RNF38: variants seen among roughly 807,000 people sequenced by gnomAD.
RNF38 encodes E3 ubiquitin-protein ligase RNF38.
Under a neutral mutation model 67.2 loss-of-function variants are expected in RNF38, and 15 were observed. That is an observed-to-expected ratio of 0.22 (90% CI 0.15 to 0.34). The LOEUF is 0.34. Among genes scored for constraint, RNF38 ranks in the 10% least tolerant of loss-of-function variants. The pLI, the probability that RNF38 is intolerant of heterozygous loss-of-function variation, is 1.00. For synonymous variants in RNF38, 220 were observed against 218.8 expected (o/e 1.01, Z -0.05); for missense variants, 524 against 639.9 (o/e 0.82, Z 1.95).
chr9:36,418,798 C>A (rs982264941), intron 2 of RNF38, among the ~76,000 whole-genome samples: 1 of 150,474 alleles, frequency 6.6e-6, no homozygotes, highest in Non-Finnish European at 1.5e-5. Flanking sequence ...AAAACAACAA[C>A]AACAACAACA....
upstream of RNF38, among the ~76,000 whole-genome samples, chr9:36,403,999 CATT>C (rs1838121504): frequency 6.6e-6 from 1 of 152,156 alleles, no homozygotes; most frequent in Non-Finnish European, 1.5e-5. Flanking sequence ...TAGTTGCTGT[CATT>C]ATCCTGTTTA....
chr9:36,346,154 C>T (rs575475574), intron 9 of RNF38, among the ~76,000 whole-genome samples: 9 of 152,236 alleles, frequency 5.9e-5, no homozygotes, highest in Admixed American at 2.6e-4. Context: ...TATGAAGTAT[C>T]CACCATCAAC....
chr9:36,349,787 T>A (rs1833563605), intron 9 of RNF38, among the ~76,000 whole-genome samples: 1 of 152,198 alleles, frequency 6.6e-6, no homozygotes, highest in African/African-American at 2.4e-5. Context: ...TATTTTGAGT[T>A]AACTTTCACG....
intron 1 of RNF38, 99 bp from the exon 2 acceptor site, chr9:36,390,715 G>T: frequency 8.4e-7 from 1 of 1,192,056 alleles, no homozygotes; most frequent in Non-Finnish European, 1.2e-6. Flanking sequence ...GGTATTTGAT[G>T]ATTCTGCTAG....
chr9:36,475,579 G>A (rs904727593), intron 1 of RNF38, among the ~76,000 whole-genome samples: 5 of 151,440 alleles, frequency 3.3e-5, no homozygotes, highest in African/African-American at 7.3e-5. Flanking sequence ...GGCTGGTCTC[G>A]AACTCCTGAC....
intron 2 of RNF38, among the ~76,000 whole-genome samples, chr9:36,409,299 G>GAGAAAGAAAAAGAAAGAA (rs1256187811): frequency 2.0e-5 from 3 of 149,294 alleles, no homozygotes; most frequent in Admixed American, 6.7e-5. Context: ...AAGAAAGAGA[G>GAGAAAGAAAAAGAAAGAA]AGAAAGAAAA....
At chr9:36,389,189 A>T (rs954199472) in intron 2 of RNF38, among the ~76,000 whole-genome samples, 8 of 152,120 alleles carry the variant, frequency 5.3e-5, no homozygotes, top group African/African-American at 1.9e-4. Flanking sequence ...ACAACAATAC[A>T]TTGCATCTTT....
intron 3 of RNF38, among the ~76,000 whole-genome samples, chr9:36,371,437 T>C (rs909330493): frequency 8.0e-5 from 12 of 150,116 alleles, no homozygotes; most frequent in Non-Finnish European, 1.5e-4. Context: ...ACCTTAGGAC[T>C]AAAAGCTTTT....
chr9:36,406,691 C>T (rs1838192737), intron 2 of RNF38, among the ~76,000 whole-genome samples: 1 of 152,208 alleles, frequency 6.6e-6, no homozygotes, highest in Non-Finnish European at 1.5e-5. Flanking sequence ...CTACGTTTCT[C>T]GCTTGGTAAA....
At chr9:36,439,580 G>A (rs770796876) in intron 1 of RNF38, among the ~76,000 whole-genome samples, 11 of 151,990 alleles carry the variant, frequency 7.2e-5, no homozygotes, top group Non-Finnish European at 1.6e-4. Context: ...TGAGGTGGGA[G>A]GATCACTAGA....
chr9:36,483,127 G>C (rs1233591293), intron 1 of RNF38, among the ~76,000 whole-genome samples: 2 of 152,044 alleles, frequency 1.3e-5, no homozygotes, highest in Non-Finnish European at 2.9e-5. Context: ...CTGTTCACGC[G>C]TGTAATCCCA....
chr9:36,369,037 T>C (rs1179303567), intron 4 of RNF38, among the ~76,000 whole-genome samples: 1 of 152,166 alleles, frequency 6.6e-6, no homozygotes, highest in Non-Finnish European at 1.5e-5. Context: ...TGTAGGCTTG[T>C]ACCTGTCATC....
Position 36,465,631 on chromosome 9 carries a change from C to A in RNF38, n.241+21677G>T, listed in dbSNP as rs569290701. Among the ~76,000 whole-genome samples, 5 of 152,234 alleles carry A rather than the reference C, an allele frequency of 3.3e-5. No homozygotes were observed. The South Asian group carries it at 1.0e-3, about 32-fold the overall frequency. ...AAGTGCTGAGATTACAGGCATCAGCCACTATACCCGGCCCATAGCAGCATT... is the reference window on the plus strand; with the variant it reads ...AAGTGCTGAGATTACAGGCATCAGCAACTATACCCGGCCCATAGCAGCATT... On this transcript the variant is annotated intron_variant and non_coding_transcript_variant, in intron 1 of 3. Coordinates refer to the RNF38 transcript ENST00000488058.
chr9:36,442,255 G>A (rs1324166166), intron 1 of RNF38, among the ~76,000 whole-genome samples: 5 of 152,030 alleles, frequency 3.3e-5, no homozygotes, highest in Non-Finnish European at 1.5e-5. Flanking sequence ...CCTCAATTCT[G>A]CCATCCCTCA....
chr9:36,420,963 C>G (rs893321350), intron 2 of RNF38, among the ~76,000 whole-genome samples: 12 of 152,232 alleles, frequency 7.9e-5, no homozygotes, highest in African/African-American at 2.9e-4. Context: ...AAACTTTAAG[C>G]TGGAGAACAA....
chr9:36,352,551 T>C (rs1833777913), intron 8 of RNF38, among the ~76,000 whole-genome samples, 191 bp downstream of exon 8: 1 of 152,180 alleles, frequency 6.6e-6, no homozygotes, highest in Admixed American at 6.5e-5. Flanking sequence ...ACAGATTTCT[T>C]CCTTCCCCAT....
intron 2 of RNF38, among the ~76,000 whole-genome samples, chr9:36,384,374 T>G (rs1836437779): frequency 6.6e-6 from 1 of 152,078 alleles, no homozygotes; most frequent in Non-Finnish European, 1.5e-5. Flanking sequence ...AATTTAGGAG[T>G]GTTGATATAC....
At chr9:36,390,855 G>A (rs1470223489) in intron 1 of RNF38, among the ~76,000 whole-genome samples, 2 of 152,168 alleles carry the variant, frequency 1.3e-5, no homozygotes, top group African/African-American at 2.4e-5. Flanking sequence ...AGAACACCAC[G>A]TCCTTCCTGT....
At chr9:36,461,976 T>C (rs1369774693) in intron 1 of RNF38, among the ~76,000 whole-genome samples, 3 of 152,166 alleles carry the variant, frequency 2.0e-5, no homozygotes, top group Non-Finnish European at 4.4e-5. Flanking sequence ...GCCCAAGCCC[T>C]GAGGAACTCA....
Sources: allele counts gnomAD v4.1 joint callset (sites outside exome capture counted in the v4.1 genomes callset), GRCh38; gene constraint gnomAD v4.1.1; transcripts MANE v1.5; gene names NCBI Gene and HGNC (gene_info 2026-07-23, HGNC 2026-07-21).